The following RPS6KC1 variants were observed in gnomAD, a reference collection of about 807,000 sequenced individuals.
RPS6KC1 encodes inactive ribosomal protein S6 kinase delta-1.
RPS6KC1 carries 54 observed loss-of-function variants against 103.8 expected under a neutral mutation model. The observed-to-expected ratio is 0.52, with a 90% confidence interval of 0.42 to 0.65. RPS6KC1 has a LOEUF of 0.65. RPS6KC1 is among the 30% of genes least tolerant of loss of function. The pLI is 0.00. For missense variants in RPS6KC1, 1,151 were observed against 1,253.8 expected, an observed-to-expected ratio of 0.92 and a Z score of 1.24; for synonymous variants, 439 against 438.7, an observed-to-expected ratio of 1.00 and a Z score of -0.01.
chr1:213,291,250 A>G, the RPS6KC1 span, among the ~76,000 whole-genome samples: 1 of 152,216 alleles, frequency 6.6e-6, no homozygotes, highest in Admixed American at 6.5e-5. Context: ...AGAAGGGTAG[A>G]TTCCTTCCAA....
chr1:213,446,200 A>G, the RPS6KC1 span, among the ~76,000 whole-genome samples: 1 of 152,214 alleles, frequency 6.6e-6, no homozygotes, highest in Non-Finnish European at 1.5e-5. Context: ...GAGGGTGTCC[A>G]GTGCTGCAAA....
chr1:213,284,220 G>A, the RPS6KC1 span, among the ~76,000 whole-genome samples: 1 of 152,146 alleles, frequency 6.6e-6, no homozygotes, highest in African/African-American at 2.4e-5. Context: ...AAATTAGAGG[G>A]CAAAAGAGTG....
the RPS6KC1 span, among the ~76,000 whole-genome samples, chr1:213,323,845 T>A: frequency 2.6e-5 from 4 of 152,302 alleles, no homozygotes; most frequent in South Asian, 8.3e-4. Flanking sequence ...TTTTTAACAA[T>A]CAATGAACCT....
chr1:213,607,933 C>A, the RPS6KC1 span, among the ~76,000 whole-genome samples: 1 of 152,128 alleles, frequency 6.6e-6, no homozygotes, highest in African/African-American at 2.4e-5. Context: ...TCAGTTCTCC[C>A]ATCCATGGAT....
the RPS6KC1 span, among the ~76,000 whole-genome samples, chr1:213,483,821 C>T: frequency 2.6e-5 from 4 of 152,176 alleles, no homozygotes; most frequent in South Asian, 4.1e-4. Flanking sequence ...GGAAGCTAGG[C>T]GGTTTTGGAA....
intron 8 of RPS6KC1, among the ~76,000 whole-genome samples, chr1:213,210,803 A>T (rs2093482949): frequency 6.6e-6 from 1 of 152,230 alleles, no homozygotes; most frequent in African/African-American, 2.4e-5. Context: ...TTTTCTTCTG[A>T]ATTGGAATCA....
the RPS6KC1 span, among the ~76,000 whole-genome samples, chr1:213,711,627 T>A: frequency 6.6e-6 from 1 of 152,166 alleles, no homozygotes; most frequent in African/African-American, 2.4e-5. Context: ...TTTGTGCTGG[T>A]TTTTCCTCAT....
the RPS6KC1 span, among the ~76,000 whole-genome samples, chr1:213,836,318 C>T: frequency 1.3e-5 from 2 of 151,974 alleles, no homozygotes; most frequent in Admixed American, 1.3e-4. Context: ...AATCAAATTC[C>T]AAATGATGTT....
the RPS6KC1 span, among the ~76,000 whole-genome samples, chr1:213,815,009 A>C: frequency 1.3e-5 from 2 of 152,128 alleles, no homozygotes; most frequent in East Asian, 3.8e-4. Context: ...CTCATCTTGA[A>C]TTGTAGTTTC....
At chr1:213,252,871 T>C (rs554875597) in intron 12 of RPS6KC1, among the ~76,000 whole-genome samples, 1 of 152,308 alleles carries the variant, frequency 6.6e-6, no homozygotes, top group South Asian at 2.1e-4. Flanking sequence ...GTTACTTATG[T>C]GATAAATTCT....
chr1:213,528,037 G>T, the RPS6KC1 span, among the ~76,000 whole-genome samples: 97,334 of 151,878 alleles, frequency 0.64, 33,527 homozygotes, highest in East Asian at 0.98. Flanking sequence ...GGAAGAAGAG[G>T]GTAGGTCTTG....
chr1:213,510,691 C>T, the RPS6KC1 span, among the ~76,000 whole-genome samples: 1 of 152,174 alleles, frequency 6.6e-6, no homozygotes, highest in Non-Finnish European at 1.5e-5. Flanking sequence ...GAAACCATTT[C>T]ACTGTTTGAC....
the RPS6KC1 span, among the ~76,000 whole-genome samples, chr1:213,500,277 A>G: frequency 1.3e-5 from 2 of 152,172 alleles, no homozygotes; most frequent in African/African-American, 2.4e-5. Flanking sequence ...CTGGGCCTAC[A>G]CAAAGTCAGG....
At chr1:213,282,150 C>T in the RPS6KC1 span, among the ~76,000 whole-genome samples, 1 of 152,186 alleles carries the variant, frequency 6.6e-6, no homozygotes, top group African/African-American at 2.4e-5. Flanking sequence ...TGTGGCTGAG[C>T]CTACTGATGG....
the RPS6KC1 span, among the ~76,000 whole-genome samples, chr1:213,796,474 G>A: frequency 6.6e-6 from 1 of 152,126 alleles, no homozygotes; most frequent in Non-Finnish European, 1.5e-5. Flanking sequence ...AGTCAACTGA[G>A]GACTCATCCC....
At chr1:213,697,611 G>T in the RPS6KC1 span, among the ~76,000 whole-genome samples, 1 of 152,204 alleles carries the variant, frequency 6.6e-6, no homozygotes, top group Admixed American at 6.5e-5. Flanking sequence ...CCTTACCAGA[G>T]TTCAGAAGTG....
the RPS6KC1 span, among the ~76,000 whole-genome samples, chr1:213,841,866 A>G: frequency 6.6e-6 from 1 of 152,180 alleles, no homozygotes; most frequent in Non-Finnish European, 1.5e-5. Flanking sequence ...TTCCCTTGGA[A>G]TTTCAGTCCC....
the RPS6KC1 span, among the ~76,000 whole-genome samples, chr1:213,333,418 G>A: frequency 2.0e-5 from 3 of 152,304 alleles, no homozygotes; most frequent in Non-Finnish European, 2.9e-5. Context: ...ATTGTTTCAT[G>A]TTTAGTGGAA....
chr1:213,854,138 T>G, the RPS6KC1 span, among the ~76,000 whole-genome samples: 1 of 152,186 alleles, frequency 6.6e-6, no homozygotes, highest in South Asian at 2.1e-4. Flanking sequence ...GGATAGGACC[T>G]CGGGGACAGC....
Sources: gnomAD v4.1 joint callset for allele counts (sites outside exome capture counted in the v4.1 genomes callset) on GRCh38, gnomAD v4.1.1 for gene constraint, MANE v1.5 for transcripts, NCBI Gene and HGNC (gene_info 2026-07-23, HGNC 2026-07-21) for gene names.